The following MAMDC2 variants were observed in gnomAD, a reference collection of about 807,000 sequenced individuals.
MAMDC2 encodes the protein MAM domain-containing protein 2.
Under a neutral mutation model 89.8 loss-of-function variants are expected in MAMDC2, and 57 were observed. That is an observed-to-expected ratio of 0.63 (90% confidence interval 0.51 to 0.79). The LOEUF (loss-of-function observed/expected upper bound fraction) is 0.79. MAMDC2 is among the 30% of genes least tolerant of loss of function. The pLI is 0.00. For synonymous variants in MAMDC2, 313 were observed against 293.4 expected, an observed-to-expected ratio of 1.07 and a Z score of -0.68; for missense variants, 800 against 820.6, an observed-to-expected ratio of 0.97 and a Z score of 0.31.
chr9:70,131,265 A>C (rs527385067), intron 6 of MAMDC2, among the ~76,000 whole-genome samples: 1 of 152,286 alleles, frequency 6.6e-6, no homozygotes, highest in African/African-American at 2.4e-5. Flanking sequence ...TTAGGGGTTC[A>C]TATGTCAACG....
chr9:70,055,853 A>G (rs903360268), intron 2 of MAMDC2, among the ~76,000 whole-genome samples: 2 of 152,228 alleles, frequency 1.3e-5, no homozygotes, highest in African/African-American at 4.8e-5. Context: ...CCTAAACTTC[A>G]AGTTCATCTA....
At chr9:70,058,987 G>T (rs1005630114) in intron 2 of MAMDC2, among the ~76,000 whole-genome samples, 8 of 152,116 alleles carry the variant, frequency 5.3e-5, no homozygotes, top group African/African-American at 1.7e-4. Flanking sequence ...GGATCCCCAC[G>T]ACTGACCTAC....
At chr9:70,194,270 T>C (rs961578056) in intron 11 of MAMDC2, 3 of 152,124 alleles carry the variant, frequency 2.0e-5, no homozygotes, top group Non-Finnish European at 4.4e-5. Flanking sequence ...CCTGCTGCTA[T>C]GATTTGAATG....
At chr9:70,133,471 A>G (rs1172861866) in intron 7 of MAMDC2, among the ~76,000 whole-genome samples, 1 of 152,198 alleles carries the variant, frequency 6.6e-6, no homozygotes, top group Non-Finnish European at 1.5e-5. Flanking sequence ...CTGTGCAGGA[A>G]CTTCCGCAGA....
intron 2 of MAMDC2, among the ~76,000 whole-genome samples, chr9:70,048,694 T>G (rs1826817647): frequency 6.6e-6 from 1 of 152,192 alleles, no homozygotes; most frequent in African/African-American, 2.4e-5. Flanking sequence ...GGAAACCCCT[T>G]TGAGCAGCAG....
chr9:70,145,736 A>ATTT, intron 9 of MAMDC2, among the ~76,000 whole-genome samples: 1 of 152,076 alleles, frequency 6.6e-6, no homozygotes, highest in South Asian at 2.1e-4. Flanking sequence ...TGATTTAATT[A>ATTT]ATTATTTATT....
chr9:70,160,138 G>GT (rs2118487066), intron 9 of MAMDC2, among the ~76,000 whole-genome samples: 2 of 152,214 alleles, frequency 1.3e-5, no homozygotes, highest in African/African-American at 4.8e-5. Context: ...CTCGAATCCA[G>GT]GAGGGAGAGG....
chr9:70,161,785 A>C (rs754540556), intron 9 of MAMDC2, among the ~76,000 whole-genome samples: 1 of 152,210 alleles, frequency 6.6e-6, no homozygotes, highest in Non-Finnish European at 1.5e-5. Context: ...CATCTTAATG[A>C]AGGGCTCTGG....
At chr9:70,154,127 TTA>T (rs1247741020) in intron 9 of MAMDC2, 2 of 152,234 alleles carry the variant, frequency 1.3e-5, no homozygotes, top group Non-Finnish European at 2.9e-5. Flanking sequence ...ACTTAATGCA[TTA>T]TGTTGAAATT....
intron 2 of MAMDC2, among the ~76,000 whole-genome samples, chr9:70,059,495 C>A (rs994289917): frequency 9.2e-5 from 14 of 152,186 alleles, no homozygotes; most frequent in African/African-American, 2.7e-4. Flanking sequence ...CCCCTCCCCT[C>A]TTTCCTCCTC....
At chr9:70,078,350 C>T (rs562038281) in intron 2 of MAMDC2, among the ~76,000 whole-genome samples, 13 of 152,242 alleles carry the variant, frequency 8.5e-5, no homozygotes, top group African/African-American at 2.2e-4. Flanking sequence ...TTTTATGCTA[C>T]GTCAACCTAA....
At chr9:70,166,204 G>A (rs1213992735) in intron 9 of MAMDC2, among the ~76,000 whole-genome samples, 1 of 150,078 alleles carries the variant, frequency 6.7e-6, no homozygotes, top group African/African-American at 2.5e-5. Flanking sequence ...TCGCATCATT[G>A]CACTCTAGCC....
intron 2 of MAMDC2, chr9:70,083,622 G>A (rs1018207613): frequency 2.2e-4 from 33 of 152,048 alleles, no homozygotes; most frequent in East Asian, 1.9e-4. Context: ...AGAGCTCCAG[G>A]TCAGGCACTG....
At chr9:70,162,121 T>C (rs115584780) in intron 9 of MAMDC2, among the ~76,000 whole-genome samples, 2,358 of 152,270 alleles carry the variant, frequency 0.015, 60 homozygotes, top group African/African-American at 0.051. Context: ...GGCCATTCAA[T>C]TGGTAAAGTA....
intron 6 of MAMDC2, among the ~76,000 whole-genome samples, chr9:70,130,008 CTGTGTGTGTGTG>C (rs71364580): frequency 3.4e-4 from 50 of 147,198 alleles, no homozygotes; most frequent in Middle Eastern, 3.5e-3. Context: ...ACATGGCATT[CTGTGTGTGTGTG>C]TGTGTGTGTG....
chr9:70,096,916 C>A (rs769798699), intron 2 of MAMDC2, among the ~76,000 whole-genome samples: 1 of 152,108 alleles, frequency 6.6e-6, no homozygotes, highest in East Asian at 1.9e-4. Flanking sequence ...TAAATAAGGG[C>A]CACCTCTAAG....
chr9:70,108,257 A>G lies in MAMDC2; in HGVS notation c.195A>G (p.Lys65=). 1 of 1,612,486 alleles carries G rather than the reference A, an allele frequency of 6.2e-7. No homozygotes were observed. Among genetic ancestry groups the G allele is most frequent in the Non-Finnish European group, 8.5e-7 (1 of 1,179,328 alleles). The change falls in exon 3 of 14, where the codon AAA becomes AAG. Residue 65 remains lysine, a synonymous_variant. Coordinates refer to ENST00000377182, the MANE Select transcript of MAMDC2 (RefSeq NM_153267.5). ...CCTCCTTTGGCAAGCAGGGGGAGAAAGCTGTGCTGCTAAGTCCTGACTTAC... is the reference window on the plus strand; with the variant it reads ...CCTCCTTTGGCAAGCAGGGGGAGAAGGCTGTGCTGCTAAGTCCTGACTTAC... ...VDTSFGKQGE[K]AVLLSPDLQA...
rs539015224 is a variant in MAMDC2, at chr9:70,072,394, A to T, written c.148+27697A>T. The stretch of plus-strand genomic sequence containing the variant: ...TGAGGCTTCTTTCCTCAAGGTAAGA[A>T]CTCAAGAATTCATCCTGAATTCTAG... On this transcript the variant is annotated intron_variant, in intron 2 of 13. Coordinates refer to ENST00000377182, the MANE Select transcript of MAMDC2 (RefSeq NM_153267.5). Among the ~76,000 whole-genome samples, 214 of 152,266 alleles carry T rather than the reference A, an allele frequency of 1.4e-3. 1 individual carries two copies. Among genetic ancestry groups the T allele is most frequent in the Non-Finnish European group, 2.4e-3 (166 of 68,028 alleles).
intron 2 of MAMDC2, among the ~76,000 whole-genome samples, chr9:70,057,159 G>A (rs868233430): frequency 7.4e-4 from 113 of 152,166 alleles, no homozygotes; most frequent in Middle Eastern, 3.4e-3. Context: ...ACCAGTCCCT[G>A]GTGCCAAAAA....
Sources: allele counts gnomAD v4.1 joint callset (sites outside exome capture counted in the v4.1 genomes callset), GRCh38; gene constraint gnomAD v4.1.1; transcripts MANE v1.5; gene names NCBI Gene and HGNC (gene_info 2026-07-23, HGNC 2026-07-21).